ZNF420: variants seen among roughly 807,000 people sequenced by gnomAD.
ZNF420 encodes ATM and p53-associated KZNF protein.
Under a neutral mutation model 44.7 loss-of-function variants are expected in ZNF420, and 31 were observed. The observed-to-expected ratio is 0.69, with a 90% CI of 0.52 to 0.94. ZNF420 has a LOEUF of 0.94. Among genes scored for constraint, ZNF420 ranks in the 40% least tolerant of loss-of-function variants. ZNF420 has a pLI of 0.00. For synonymous variants in ZNF420, 245 were observed against 267.4 expected, an observed-to-expected ratio of 0.92 and a Z score of 0.82; for missense variants, 681 against 827.9, an observed-to-expected ratio of 0.82 and a Z score of 2.18.
At chr19:37,010,569 AG>A (rs2074561857) in intron 1 of ZNF420, among the ~76,000 whole-genome samples, 1 of 147,300 alleles carries the variant, frequency 6.8e-6, no homozygotes, top group African/African-American at 2.7e-5. Context: ...TCTGTCTGTG[AG>A]TGTGTGTGCC....
intron 4 of ZNF420, among the ~76,000 whole-genome samples, chr19:37,115,691 C>G (rs1365668311): frequency 6.6e-6 from 1 of 151,872 alleles, no homozygotes; most frequent in African/African-American, 2.4e-5. Flanking sequence ...TTCCTCTTAT[C>G]TCAACTGCAG....
intron 1 of ZNF420, among the ~76,000 whole-genome samples, chr19:37,048,639 G>A (rs750183131): frequency 6.6e-6 from 1 of 152,104 alleles, no homozygotes; most frequent in South Asian, 2.1e-4. Context: ...AATGACTTAA[G>A]GAATTCCTCA....
At chr19:37,070,092 A>G (rs951153480) in intron 1 of ZNF420, among the ~76,000 whole-genome samples, 9 of 152,128 alleles carry the variant, frequency 5.9e-5, no homozygotes, top group African/African-American at 2.2e-4. Flanking sequence ...ATAATTGAAT[A>G]ATGAATTCCC....
chr19:37,026,406 G>A (rs1368900964), intron 1 of ZNF420, among the ~76,000 whole-genome samples: 3 of 151,042 alleles, frequency 2.0e-5, no homozygotes, highest in East Asian at 1.9e-4. Flanking sequence ...CTGCACCTCC[G>A]CCTCCTGGGT....
At chr19:37,029,873 G>GAT (rs113128816) in intron 1 of ZNF420, among the ~76,000 whole-genome samples, 51,457 of 151,510 alleles carry the variant, frequency 0.34, 8,952 homozygotes, top group Non-Finnish European at 0.36. Context: ...AATGTTATAG[G>GAT]ATATATATAT....
At chr19:37,086,304 G>T (rs1343618990) in intron 2 of ZNF420, among the ~76,000 whole-genome samples, 2 of 152,066 alleles carry the variant, frequency 1.3e-5, no homozygotes, top group African/African-American at 4.8e-5. Context: ...GGTTGGGGTT[G>T]GGGGAGTGAA....
chr19:37,031,933 G>T (rs766923377), intron 1 of ZNF420, among the ~76,000 whole-genome samples: 2 of 152,188 alleles, frequency 1.3e-5, no homozygotes, highest in Non-Finnish European at 2.9e-5. Flanking sequence ...AGCCAGGCGT[G>T]GTGGCTTACA....
upstream of ZNF420, among the ~76,000 whole-genome samples, chr19:37,076,564 T>C (rs1968159389): frequency 6.6e-6 from 1 of 152,096 alleles, no homozygotes; most frequent in Admixed American, 6.6e-5. Context: ...TGATGTTCCT[T>C]ACCCTGTGTC....
In ZNF420 at chr19:37,119,197, C is replaced by A. The variant is rs566360108; in HGVS notation, c.137-7931C>A. On this transcript the variant is annotated intron_variant, in intron 4 of 4. Coordinates refer to ENST00000337995, the MANE Select transcript of ZNF420 (RefSeq NM_144689.5). The stretch of plus-strand genomic sequence containing the variant: ...TTTTCAGCACCACACCACACCTATT[C>A]CAAAACTGACCACATAGTTCGAAGT... Among the ~76,000 whole-genome samples the A allele has an allele frequency of 2.0e-5, 3 of 152,018 alleles. No individual in the cohort carries two copies. In the South Asian group the frequency reaches 6.2e-4, roughly 32 times the overall value.
intron 1 of ZNF420, among the ~76,000 whole-genome samples, chr19:37,013,772 C>G (rs1441517294): frequency 6.6e-6 from 1 of 152,182 alleles, no homozygotes; most frequent in Non-Finnish European, 1.5e-5. Flanking sequence ...GGAGCAATGG[C>G]CTTCTCTGGT....
At chr19:37,039,234 C>A (rs556121558) in intron 1 of ZNF420, among the ~76,000 whole-genome samples, 4 of 152,274 alleles carry the variant, frequency 2.6e-5, no homozygotes, top group African/African-American at 4.8e-5. Flanking sequence ...AATAGTGAAT[C>A]CTTTCCAGAA....
intron 4 of ZNF420, among the ~76,000 whole-genome samples, chr19:37,106,090 G>C (rs924320565): frequency 3.9e-5 from 6 of 152,156 alleles, no homozygotes; most frequent in African/African-American, 1.4e-4. Context: ...TGATGAGAGA[G>C]GGCATCCCTG....
intron 4 of ZNF420, chr19:37,106,640 C>G (rs1384366019): frequency 6.6e-6 from 1 of 152,210 alleles, no homozygotes; most frequent in African/African-American, 2.4e-5. Flanking sequence ...GGCAGAAGTT[C>G]AAGATCTGAA....
At chr19:37,058,691 G>GC (rs1446388710) in intron 1 of ZNF420, among the ~76,000 whole-genome samples, 1 of 135,312 alleles carries the variant, frequency 7.4e-6, no homozygotes, top group East Asian at 2.0e-4. Flanking sequence ...GGTCATCTGT[G>GC]TCCCCCCGCA....
At chr19:37,014,838 A>G (rs703535) in intron 1 of ZNF420, among the ~76,000 whole-genome samples, 53,209 of 152,016 alleles carry the variant, frequency 0.35, 9,606 homozygotes, top group African/African-American at 0.4. Flanking sequence ...AGGGATCAGC[A>G]CGGTGATCCC....
At chr19:37,053,627 C>T (rs922939967) in intron 1 of ZNF420, among the ~76,000 whole-genome samples, 2 of 152,208 alleles carry the variant, frequency 1.3e-5, no homozygotes, top group East Asian at 3.9e-4. Flanking sequence ...GAGGTCCACT[C>T]CAGACCCTGT....
At chr19:37,053,765 C>T (rs1232293859) in intron 1 of ZNF420, among the ~76,000 whole-genome samples, 1 of 151,906 alleles carries the variant, frequency 6.6e-6, no homozygotes, top group Non-Finnish European at 1.5e-5. Context: ...TGTCAGTCTG[C>T]CCCTACTGGG....
At chr19:37,106,564 C>T (rs186155551) in intron 4 of ZNF420, among the ~76,000 whole-genome samples, 9 of 152,192 alleles carry the variant, frequency 5.9e-5, no homozygotes, top group East Asian at 5.8e-4. Context: ...CGATTTAGGC[C>T]GAACACGGTG....
At position 37,021,380 on chromosome 19, in the gene ZNF420, G is replaced by T. The variant is rs558649570; in HGVS notation, c.-125+13298G>T. 1.8e-4 allele frequency among the ~76,000 whole-genome samples: 27 copies of T among 152,220 alleles called. No individual in the cohort carries two copies. In the East Asian group the frequency reaches 3.5e-3, roughly 20 times the overall value. On this transcript the variant is annotated intron_variant, in intron 1 of 4. Transcript: ENST00000587029. ...CCTCCTGGGCTCAAGTGATTCTTCT[G>T]CCTCAGCCTTCCAAATAGCTAGGAT...
Sources: allele counts gnomAD v4.1 joint callset (sites outside exome capture counted in the v4.1 genomes callset), GRCh38; gene constraint gnomAD v4.1.1; transcripts MANE v1.5; gene names NCBI Gene and HGNC (gene_info 2026-07-23, HGNC 2026-07-21).